The following DRAXIN variants were observed in gnomAD, a reference collection of about 807,000 sequenced individuals.
The protein encoded by DRAXIN is dorsal repulsive axon guidance protein.
A neutral mutation model predicts 33.9 loss-of-function variants in DRAXIN; 27 were observed. The observed-to-expected ratio is 0.80, with a 90% CI of 0.59 to 1.10. The LOEUF is 1.10. DRAXIN is among the 50% of genes least tolerant of loss of function. The probability of loss-of-function intolerance (pLI) is 0.00; values close to 1 mark genes in which losing one functional copy is unlikely to be tolerated. For synonymous variants in DRAXIN, 178 were observed against 194.0 expected (o/e 0.92, Z 0.69); for missense variants, 371 against 460.8 (o/e 0.81, Z 1.78).
At chr1:11,709,066 C>T (rs910713708) in intron 2 of DRAXIN, among the ~76,000 whole-genome samples, 2 of 152,240 alleles carry the variant, frequency 1.3e-5, no homozygotes, top group Non-Finnish European at 2.9e-5. Flanking sequence ...TCCCCAGCGA[C>T]ACTGCAAGTT....
rs1179718552 is a variant in DRAXIN, at chr1:11,695,610, A to AT, written c.-11+3757_-11+3758insT. On this transcript the variant is annotated intron_variant, in intron 1 of 6. Coordinates refer to ENST00000294485, the MANE Select transcript of DRAXIN (RefSeq NM_198545.4). ...GAGTGAGATTCTGTCTCAAAAAAAA[A>AT]AATATATATATATATATATACTTCA... Among the ~76,000 whole-genome samples, 127 of 104,680 alleles carry AT rather than the reference A, an allele frequency of 1.2e-3. 2 individuals are homozygous for AT. Among genetic ancestry groups the AT allele is most frequent in the South Asian group, 7.9e-3 (26 of 3,312 alleles). The allele number at this position is 104,680 out of a possible 152,430, so 68.7% of individuals were successfully genotyped here. A position where few individuals can be genotyped will look rare whatever the true frequency, so the allele number is the denominator to read the frequency against.
chr1:11,705,237 G>A lies in DRAXIN; in HGVS notation c.-10-1012G>A, dbSNP rs1286435872. ...TGGCTAACCTAGTGCCTAGCTCCAG[G>A]ATACAGTGAGGTTGGTGCAATGGAG... On this transcript the variant is annotated intron_variant, in intron 1 of 6. Coordinates refer to ENST00000294485, the MANE Select transcript of DRAXIN (RefSeq NM_198545.4). This position sits in a 1 kb window ranked among gnomAD's most constrained non-coding sequence, Gnocchi z 4.8. Among the ~76,000 whole-genome samples the A allele has an allele frequency of 6.6e-6, 1 of 152,204 alleles. No homozygotes were observed. The highest frequency in any genetic ancestry group is 1.5e-5 in the Non-Finnish European group (1 of 68,034).
At chr1:11,707,987 C>T (rs540394406) in intron 2 of DRAXIN, among the ~76,000 whole-genome samples, 4 of 152,220 alleles carry the variant, frequency 2.6e-5, no homozygotes, top group Non-Finnish European at 4.4e-5. Flanking sequence ...AATGGAGCTT[C>T]AACACCCCTT....
rs1367714833 is a variant in DRAXIN, at chr1:11,692,540, G to C, written c.-11+687G>C. The stretch of plus-strand genomic sequence containing the variant: ...TCTGTCCCTCCTGCTCCCCACCGCC[G>C]GCTTTTGGCTTTTCTCCGTCCGCTC... On this transcript the variant is annotated intron_variant, in intron 1 of 6. Coordinates refer to ENST00000294485, the MANE Select transcript of DRAXIN (RefSeq NM_198545.4). This position sits in a 1 kb window ranked among gnomAD's most constrained non-coding sequence, Gnocchi z 5.8. Among the ~76,000 whole-genome samples, 1 of 152,188 alleles carries C rather than the reference G, an allele frequency of 6.6e-6. No homozygotes were observed. The highest frequency in any genetic ancestry group is 1.5e-5 in the Non-Finnish European group (1 of 68,030).
Position 11,710,758 on chromosome 1 carries a change from C to CAAAA in DRAXIN, c.643-1080_643-1077dup, listed in dbSNP as rs1222886420. ...TGAAACCCCATCTCTACTAAAAATA[C>CAAAA]AAAAAAAAAAAAAAAATAGCCGGGC... On this transcript the variant is annotated intron_variant, in intron 3 of 6. Coordinates refer to ENST00000294485, the MANE Select transcript of DRAXIN (RefSeq NM_198545.4). Among the ~76,000 whole-genome samples, 58 of 105,260 alleles carry CAAAA rather than the reference C, an allele frequency of 5.5e-4. 1 individual carries two copies. Among genetic ancestry groups the CAAAA allele is most frequent in the Admixed American group, 1.2e-3 (12 of 10,094 alleles). 69.1% of individuals were successfully genotyped at this position (105,260 alleles called of 152,430 possible).
rs999103722 is a variant in DRAXIN at position 11,692,854 on chromosome 1, A to G, written c.-11+1001A>G. On this transcript the variant is annotated intron_variant, in intron 1 of 6. Transcript: ENST00000294485. This position sits in a 1 kb window ranked among gnomAD's most constrained non-coding sequence, Gnocchi z 5.8. ...CTCTCTGAGCCTCAGTGTTCCTGTC[A>G]CAAAACAGGGATGGTGCTAGTCCCT... 9.9e-5 allele frequency among the ~76,000 whole-genome samples: 15 copies of G among 152,034 alleles called. No homozygotes were observed. Among genetic ancestry groups the G allele is most frequent in the African/African-American group, 3.6e-4 (15 of 41,366 alleles).
At chr1:11,698,993 C>T (rs546457155) in intron 1 of DRAXIN, among the ~76,000 whole-genome samples, 3 of 152,136 alleles carry the variant, frequency 2.0e-5, no homozygotes, top group East Asian at 1.9e-4. Context: ...TGGGAGTATC[C>T]GGAAGGGAAG....
At chr1:11,689,452 C>T (rs1269985605), upstream of DRAXIN, among the ~76,000 whole-genome samples, 2 of 151,954 alleles carry the variant, frequency 1.3e-5, no homozygotes, top group African/African-American at 2.4e-5. Context: ...ACAAAGTTAG[C>T]GGGCATGGTG....
chr1:11,719,742 C>A lies in DRAXIN; in HGVS notation c.*46C>A. 6.5e-7 allele frequency: 1 copy of A among 1,546,688 alleles called. No individual in the cohort carries two copies. Among genetic ancestry groups the A allele is most frequent in the Non-Finnish European group, 8.9e-7 (1 of 1,125,122 alleles). On this transcript the variant is annotated 3_prime_UTR_variant, in exon 7 of 7. Transcript: ENST00000294485. ...CTGAGCCCAGGAGGTTTGCACAAGC[C>A]GGGCGATTTGTTTGTAACTAGCAGT...
At chr1:11,712,079 G>GA in intron 4 of DRAXIN, 114 bp downstream of exon 4, 1 of 1,053,850 alleles carries the variant, frequency 9.5e-7, no homozygotes, top group South Asian at 1.4e-5. Flanking sequence ...CCAAAGGTGG[G>GA]ATGTGGGGAG....
rs566125488 is a variant in DRAXIN at position 11,706,171 on chromosome 1, C to T, written c.-10-78C>T. 177 of 1,334,300 alleles carry T rather than the reference C, an allele frequency of 1.3e-4. No homozygotes were observed. The highest frequency in any genetic ancestry group is 1.6e-4 in the Non-Finnish European group (160 of 998,400). The allele number at this position is 1,334,300 out of a possible 1,614,324, so 82.7% of individuals were successfully genotyped here. ...GTCCCTCTATGGCTGTTGAGAAAAACTGGGCTTTAATCATTTGAGTGAGGG... is the reference window on the plus strand; with the variant it reads ...GTCCCTCTATGGCTGTTGAGAAAAATTGGGCTTTAATCATTTGAGTGAGGG... On this transcript the variant is annotated intron_variant, in intron 1 of 6. Coordinates refer to ENST00000294485, the MANE Select transcript of DRAXIN (RefSeq NM_198545.4). The surrounding 1 kb of genome is among the most constrained non-coding windows in gnomAD (Gnocchi z 5.5).
Position 11,706,133 on chromosome 1 carries a change from C to G in DRAXIN, c.-10-116C>G. The G allele has an allele frequency of 1.9e-6, 2 of 1,026,940 alleles. No individual in the cohort carries two copies. The highest frequency in any genetic ancestry group is 5.9e-5 in the Admixed American group (2 of 33,756). 63.6% of individuals were successfully genotyped at this position (1,026,940 alleles called of 1,614,324 possible). A position where few individuals can be genotyped will look rare whatever the true frequency, so the allele number is the denominator to read the frequency against. ...TGTCTTCGGGCATTGCCAAATGTCA[C>G]TGGGAGCAAAATGTCCCTCTATGGC... On this transcript the variant is annotated intron_variant, in intron 1 of 6. Transcript: ENST00000294485. The surrounding 1 kb of genome is among the most constrained non-coding windows in gnomAD (Gnocchi z 5.5).
intron 1 of DRAXIN, among the ~76,000 whole-genome samples, chr1:11,702,120 CAT>C (rs1187580318): frequency 4.6e-5 from 7 of 151,770 alleles, no homozygotes; most frequent in East Asian, 1.9e-4. Context: ...TTCACACACA[CAT>C]GCTCACACTC....
chr1:11,707,938 A>T (rs1197360735), intron 2 of DRAXIN, among the ~76,000 whole-genome samples: 1 of 152,222 alleles, frequency 6.6e-6, no homozygotes, highest in Admixed American at 6.5e-5. Flanking sequence ...CGAGTGCCAC[A>T]AATGCAGTGG....
Position 11,715,706 on chromosome 1 carries a change from G to A in DRAXIN, c.937+498G>A, listed in dbSNP as rs1451708571. Among the ~76,000 whole-genome samples, 5 of 152,088 alleles carry A rather than the reference G, an allele frequency of 3.3e-5. No individual in the cohort carries two copies. The East Asian group carries it at 7.7e-4, about 23-fold the overall frequency. On this transcript the variant is annotated intron_variant, in intron 6 of 6. Transcript: ENST00000294485. ...TTCAACTCCTCCGTGCCCCCACCTCGCCTAAGTGTGCTGGGCTCTGTGCTG... is the reference window on the plus strand; with the variant it reads ...TTCAACTCCTCCGTGCCCCCACCTCACCTAAGTGTGCTGGGCTCTGTGCTG...
chr1:11,720,587 C>T lies in DRAXIN; in HGVS notation c.*891C>T, dbSNP rs1641646335. 9.4e-6 allele frequency: 1 copy of T among 106,706 alleles called. No individual in the cohort carries two copies. Among genetic ancestry groups the T allele is most frequent in the South Asian group, 3.8e-4 (1 of 2,626 alleles). The allele number at this position is 106,706 out of a possible 1,614,324, so 6.6% of individuals were successfully genotyped here. A position where few individuals can be genotyped will look rare whatever the true frequency, so the allele number is the denominator to read the frequency against. ...CAGCCTGGGGGACAAGAGTGAAACT[C>T]CATCTCAAAAAAAAAAAAAAAAAAA... On this transcript the variant is annotated 3_prime_UTR_variant, in exon 7 of 7. Coordinates refer to ENST00000294485, the MANE Select transcript of DRAXIN (RefSeq NM_198545.4).
chr1:11,688,388 T>C (rs1301617576), upstream of DRAXIN, among the ~76,000 whole-genome samples: 1 of 152,092 alleles, frequency 6.6e-6, no homozygotes, highest in Non-Finnish European at 1.5e-5. The surrounding 1 kb of genome is among the most constrained non-coding windows in gnomAD (Gnocchi z 4.6). Context: ...GGGGAAACTC[T>C]GTCTCTACTA....
chr1:11,716,733 C>T (rs559007635), intron 6 of DRAXIN, among the ~76,000 whole-genome samples: 35 of 152,240 alleles, frequency 2.3e-4, no homozygotes, highest in Non-Finnish European at 5.0e-4. Flanking sequence ...AGTGCAGTGG[C>T]GCAATCCCAG....
Position 11,709,320 on chromosome 1 carries a change from A to G in DRAXIN, c.497A>G (p.Glu166Gly). Residue 166 changes from glutamate (E) to glycine (G), a missense_variant, in exon 3 of 7, where the codon GAG becomes GGG. Coordinates refer to ENST00000294485, the MANE Select transcript of DRAXIN (RefSeq NM_198545.4). ...CCCAGCTCCCTGATGAAGAAGGCAG[A>G]GCTCTCCGAAGCCCAGGTGCTGGAT... is the stretch of plus-strand genomic sequence containing the variant. ...RGPSSLMKKA[E>G]LSEAQVLDAA... 6.2e-7 allele frequency: 1 copy of G among 1,613,892 alleles called. No individual in the cohort carries two copies. Among genetic ancestry groups the G allele is most frequent in the Non-Finnish European group, 8.5e-7 (1 of 1,179,878 alleles).
Sources: gnomAD v4.1 joint callset for allele counts (sites outside exome capture counted in the v4.1 genomes callset) on GRCh38, gnomAD v4.1.1 for gene constraint, Gnocchi (gnomAD v3.1) non-coding constraint, MANE v1.5 for transcripts, NCBI Gene and HGNC (gene_info 2026-07-23, HGNC 2026-07-21) for gene names.